Variants in CDKL4 observed in about 807,000 individuals in gnomAD.
CDKL4 encodes the protein cyclin-dependent kinase-like 4.
Under a neutral mutation model 42.0 loss-of-function variants are expected in CDKL4, and 44 were observed. That is an observed-to-expected ratio of 1.05 (90% confidence interval 0.82 to 1.35). The LOEUF (loss-of-function observed/expected upper bound fraction) is 1.35. Ranked by LOEUF, CDKL4 falls within the 40% of genes most tolerant of loss-of-function variation. CDKL4 has a pLI of 0.00. For missense variants in CDKL4, 393 were observed against 369.9 expected (o/e 1.06, Z -0.51); for synonymous variants, 120 against 121.6 (o/e 0.99, Z 0.09).
At chr2:39,220,752 T>C (rs1678259094) in intron 3 of CDKL4, among the ~76,000 whole-genome samples, 1 of 151,312 alleles carries the variant, frequency 6.6e-6, no homozygotes, top group South Asian at 2.1e-4. Context: ...GCCTGGCTAA[T>C]TTTTTTGTAT....
chr2:39,192,205 C>T (rs992195349), intron 5 of CDKL4, among the ~76,000 whole-genome samples: 21 of 152,160 alleles, frequency 1.4e-4, no homozygotes, highest in East Asian at 1.9e-4. Context: ...GAACATTTTT[C>T]GACTTAAAAG....
At chr2:39,206,559 G>C (rs927761926) in intron 4 of CDKL4, among the ~76,000 whole-genome samples, 1 of 152,210 alleles carries the variant, frequency 6.6e-6, no homozygotes, top group Non-Finnish European at 1.5e-5. Context: ...TGTTGCGGAG[G>C]TGCTGTGAGA....
At chr2:39,204,943 C>T (rs182729800) in intron 4 of CDKL4, among the ~76,000 whole-genome samples, 1 of 151,396 alleles carries the variant, frequency 6.6e-6, no homozygotes, top group East Asian at 1.9e-4. Flanking sequence ...CTTTGTGAGG[C>T]CGAGGCGGGA....
intron 5 of CDKL4, among the ~76,000 whole-genome samples, chr2:39,191,172 G>C (rs1318431130): frequency 6.6e-6 from 1 of 152,186 alleles, no homozygotes; most frequent in African/African-American, 2.4e-5. Flanking sequence ...GCCAAGGCAA[G>C]CAGATCATTA....
chr2:39,199,553 C>T (rs1676723798), intron 5 of CDKL4, among the ~76,000 whole-genome samples: 1 of 152,026 alleles, frequency 6.6e-6, no homozygotes, highest in Non-Finnish European at 1.5e-5. Flanking sequence ...AACTACAGAC[C>T]AATGTCCTTG....
At chr2:39,173,485 T>C (rs1364516131), downstream of CDKL4, among the ~76,000 whole-genome samples, 2 of 152,066 alleles carry the variant, frequency 1.3e-5, no homozygotes, top group Admixed American at 6.6e-5. Context: ...GAGATCAGCC[T>C]GGGCAATATA....
At chr2:39,241,742 T>C (rs1196209598) in intron 1 of CDKL4, among the ~76,000 whole-genome samples, 1 of 152,248 alleles carries the variant, frequency 6.6e-6, no homozygotes, top group Admixed American at 6.5e-5. Context: ...AAGCAGGTTC[T>C]TTCTCTGCTC....
At chr2:39,239,607 C>T (rs1440525240) in intron 1 of CDKL4, among the ~76,000 whole-genome samples, 1 of 152,206 alleles carries the variant, frequency 6.6e-6, no homozygotes, top group East Asian at 1.9e-4. Flanking sequence ...TGAAAGGATG[C>T]TGTTAGCCAT....
At chr2:39,187,219 T>G (rs1675876914) in intron 7 of CDKL4, among the ~76,000 whole-genome samples, 1 of 152,146 alleles carries the variant, frequency 6.6e-6, no homozygotes, top group Non-Finnish European at 1.5e-5. Context: ...CTGCCATGAT[T>G]GTAAGTTTCC....
chr2:39,223,711 C>A (rs1678521248), intron 3 of CDKL4, among the ~76,000 whole-genome samples: 1 of 151,232 alleles, frequency 6.6e-6, no homozygotes, highest in Non-Finnish European at 1.5e-5. Flanking sequence ...CTCTTGAGCT[C>A]AAGTGATCCT....
chr2:39,239,386 C>G (rs1320125533), intron 1 of CDKL4, among the ~76,000 whole-genome samples: 2 of 151,940 alleles, frequency 1.3e-5, no homozygotes, highest in African/African-American at 4.8e-5. Context: ...TCTTTTGCTC[C>G]TCAAAAAATT....
chr2:39,231,728 T>A (rs763501853), intron 1 of CDKL4, among the ~76,000 whole-genome samples: 2 of 152,070 alleles, frequency 1.3e-5, no homozygotes, highest in Non-Finnish European at 2.9e-5. Context: ...GGAAAGAGAG[T>A]AGGAGAAACT....
chr2:39,228,335 T>C (rs746396688), intron 2 of CDKL4, among the ~76,000 whole-genome samples: 1 of 152,166 alleles, frequency 6.6e-6, no homozygotes, highest in Non-Finnish European at 1.5e-5. Flanking sequence ...GATGTGTTCC[T>C]GAAGACTGTA....
chr2:39,190,959 A>G (rs1349431771), intron 5 of CDKL4, among the ~76,000 whole-genome samples: 2 of 152,186 alleles, frequency 1.3e-5, no homozygotes, highest in African/African-American at 4.8e-5. Context: ...ATGAGGTCAT[A>G]TTAGATTAGG....
chr2:39,171,736 G>A (rs866724615), downstream of CDKL4, among the ~76,000 whole-genome samples: 3 of 152,328 alleles, frequency 2.0e-5, no homozygotes, highest in South Asian at 2.1e-4. Flanking sequence ...GAGACTCTAA[G>A]ATACGTGTGT....
intron 6 of CDKL4, among the ~76,000 whole-genome samples, chr2:39,188,983 A>T (rs530021201): frequency 6.6e-6 from 1 of 152,340 alleles, no homozygotes; most frequent in East Asian, 1.9e-4. Context: ...CTTGTCCAAG[A>T]TCACACAGTA....
At chr2:39,172,973 G>A (rs535013587), downstream of CDKL4, among the ~76,000 whole-genome samples, 80 of 152,280 alleles carry the variant, frequency 5.3e-4, no homozygotes, top group South Asian at 2.5e-3. Context: ...TGACACCTAA[G>A]TGATGGATTT....
intron 7 of CDKL4, 92 bp from the exon 8 acceptor site, chr2:39,184,739 TG>T: frequency 1.3e-6 from 1 of 792,332 alleles, no homozygotes; most frequent in East Asian, 2.7e-5. Flanking sequence ...TGTGTGTGTG[TG>T]TGTGTGTATT....
chr2:39,241,753 G>T (rs926000380), intron 1 of CDKL4, among the ~76,000 whole-genome samples: 1 of 152,018 alleles, frequency 6.6e-6, no homozygotes, highest in Non-Finnish European at 1.5e-5. Flanking sequence ...TTCTCTGCTC[G>T]CATGCTATGT....
Sources: allele counts gnomAD v4.1 joint callset (sites outside exome capture counted in the v4.1 genomes callset), GRCh38; gene constraint gnomAD v4.1.1; transcripts MANE v1.5; gene names NCBI Gene and HGNC (gene_info 2026-07-23, HGNC 2026-07-21).